The following STK26 variants were observed in gnomAD, a reference collection of about 807,000 sequenced individuals.
STK26 encodes the protein serine/threonine kinase 26, also known as serine/threonine-protein kinase 26.
In STK26, 14 loss-of-function variants were observed where a neutral mutation model predicts 34.7. The observed-to-expected ratio is 0.40, with a 90% CI of 0.27 to 0.63. The LOEUF (loss-of-function observed/expected upper bound fraction) is 0.63. STK26 is among the 30% of genes least tolerant of loss of function. The pLI, the probability that STK26 is intolerant of heterozygous loss-of-function variation, is 0.38. For synonymous variants in STK26, 100 were observed against 109.8 expected (o/e 0.91, Z 0.56); for missense variants, 226 against 309.1 (o/e 0.73, Z 2.02).
chrX:132,046,398 A>G (rs912404877), intron 2 of STK26, among the ~76,000 whole-genome samples: 9 of 112,033 alleles, frequency 8.0e-5, no homozygotes, highest in African/African-American at 2.3e-4. Context: ...TCAAACTGCT[A>G]TGTTATTCAT....
At chrX:132,047,339 T>C (rs746356175) in intron 2 of STK26, among the ~76,000 whole-genome samples, 1 of 112,209 alleles carries the variant, frequency 8.9e-6, no homozygotes, top group Non-Finnish European at 1.9e-5. Context: ...ATTAAAGTAA[T>C]CTGAGCATGC....
chrX:132,072,998 G>A lies in STK26; in HGVS notation c.1131G>A (p.Ala377=), dbSNP rs765167361. 9.1e-6 allele frequency: 11 copies of A among 1,209,264 alleles called. No homozygotes were observed. In the South Asian group the frequency reaches 1.4e-4, roughly 16 times the overall value. Residue 377 remains alanine, a synonymous_variant, in exon 11 of 12, where the codon GCG becomes GCA. Coordinates refer to ENST00000394334, the MANE Select transcript of STK26 (RefSeq NM_016542.4). ...QDENNASRNQ[A]IEELEKSIAV... is the part of the protein sequence containing the mutation. ...AGAATAACGCTAGCAGGAATCAGGC[G>A]ATTGAAGAACTCGAGAAAAGTATTG... is the stretch of plus-strand genomic sequence containing the variant.
chrX:132,034,292 CTTTTTTTTTTTTTTTT>C (rs561602079), intron 2 of STK26, among the ~76,000 whole-genome samples: 21 of 41,377 alleles, frequency 5.1e-4, no homozygotes, highest in Admixed American at 2.1e-3. Flanking sequence ...GACATTTATT[CTTTTTTTTTTTTTTTT>C]TTTTTTTTTT....
chrX:132,037,735 C>G (rs1926104986), intron 2 of STK26, among the ~76,000 whole-genome samples: 1 of 85,615 alleles, frequency 1.2e-5, no homozygotes, highest in Non-Finnish European at 2.2e-5. Flanking sequence ...AATTCTGTTT[C>G]TGTGACAAAC....
chrX:132,044,798 G>GAGAGATCTATATATATATATAT (rs1569330295), intron 2 of STK26, among the ~76,000 whole-genome samples: 1 of 32,506 alleles, frequency 3.1e-5, no homozygotes, highest in Non-Finnish European at 5.6e-5. Flanking sequence ...TATATATATA[G>GAGAGATCTATATATATATATAT]AGAGAGATCT....
chrX:132,047,842 T>C (rs1318202645), intron 2 of STK26, among the ~76,000 whole-genome samples: 1 of 111,731 alleles, frequency 9.0e-6, no homozygotes, highest in Non-Finnish European at 1.9e-5. Context: ...ACCACCACAG[T>C]CTGGTTACCA....
At chrX:132,025,542 A>T (rs1935081019) in intron 2 of STK26, among the ~76,000 whole-genome samples, 1 of 111,135 alleles carries the variant, frequency 9.0e-6, no homozygotes, top group Non-Finnish European at 1.9e-5. Flanking sequence ...TATACTTTAA[A>T]TTACAAATTC....
chrX:132,063,501 A>C lies in STK26; in HGVS notation c.330+12A>C. ...CAGCACTGGATCTTGTAAGTATTTTAAAATAGTTACACACAGATGCAAATG... is the reference window on the plus strand; with the variant it reads ...CAGCACTGGATCTTGTAAGTATTTTCAAATAGTTACACACAGATGCAAATG... On this transcript the variant is annotated intron_variant, in intron 4 of 11. Transcript: ENST00000394334. 8.3e-7 allele frequency: 1 copy of C among 1,198,712 alleles called. No homozygotes were observed. Among genetic ancestry groups the C allele is most frequent in the Non-Finnish European group, 1.1e-6 (1 of 886,025 alleles).
rs187842083 is a variant in STK26 at position 132,027,918 on chromosome X, C to T, written c.42+4259C>T. Reference sequence around the variant, plus strand: ...TCACCCAGACTGTAGTGCAGTGGCGCGATCACAGCTGACTGCAGCCGCCAC... The same window carrying T: ...TCACCCAGACTGTAGTGCAGTGGCGTGATCACAGCTGACTGCAGCCGCCAC... On this transcript the variant is annotated intron_variant, in intron 2 of 11. Coordinates refer to ENST00000394334, the MANE Select transcript of STK26 (RefSeq NM_016542.4). Among the ~76,000 whole-genome samples the T allele has an allele frequency of 4.7e-3, 508 of 108,203 alleles. 12 individuals are homozygous for T. In the East Asian group the frequency reaches 0.086, roughly 18 times the overall value. The allele number at this position is 108,203 out of a possible 115,157, so 94.0% of individuals were successfully genotyped here. A position where few individuals can be genotyped will look rare whatever the true frequency, so the allele number is the denominator to read the frequency against.
At chrX:132,031,730 C>T (rs762739865) in intron 2 of STK26, among the ~76,000 whole-genome samples, 8 of 112,025 alleles carry the variant, frequency 7.1e-5, no homozygotes, top group African/African-American at 9.8e-5. Flanking sequence ...CTTGGTCATT[C>T]GCCATTTCAG....
chrX:132,073,159 A>G (rs1421135623), intron 11 of STK26, 66 bp downstream of exon 11: 10 of 1,060,087 alleles, frequency 9.4e-6, no homozygotes, highest in African/African-American at 7.5e-5. Flanking sequence ...TTATGATGCA[A>G]TGTAATTCCT....
At chrX:132,041,980 C>G (rs1451210061) in intron 2 of STK26, among the ~76,000 whole-genome samples, 1 of 111,809 alleles carries the variant, frequency 8.9e-6, no homozygotes, top group East Asian at 2.8e-4. Context: ...AAAGATTCAA[C>G]TCATTAGTAG....
At chrX:132,032,375 A>G (rs1380486835) in intron 2 of STK26, among the ~76,000 whole-genome samples, 2 of 112,041 alleles carry the variant, frequency 1.8e-5, no homozygotes, top group Non-Finnish European at 3.8e-5. Flanking sequence ...TATCTTTTTT[A>G]TATGTTCACT....
rs148495578 is a variant in STK26 at position 132,037,594 on chromosome X, A to G, written c.42+13935A>G. Among the ~76,000 whole-genome samples the G allele has an allele frequency of 5.2e-3, 578 of 110,710 alleles. 6 individuals carry two copies. The highest frequency in any genetic ancestry group is 0.018 in the African/African-American group (535 of 30,370). On this transcript the variant is annotated intron_variant, in intron 2 of 11. Coordinates refer to ENST00000394334, the MANE Select transcript of STK26 (RefSeq NM_016542.4). The stretch of plus-strand genomic sequence containing the variant: ...TTAGTAAAATCAGAGATATGTGGGC[A>G]GTAAACGAGTGACTTCTACTTCACA...
chrX:132,050,450 T>G (rs6637930), intron 2 of STK26, among the ~76,000 whole-genome samples: 25,612 of 111,288 alleles, frequency 0.23, 2,321 homozygotes, highest in African/African-American at 0.32. Flanking sequence ...CTTCTTCTGC[T>G]GTGTATACCA....
intron 2 of STK26, among the ~76,000 whole-genome samples, chrX:132,024,258 G>A (rs1022192699): frequency 1.8e-5 from 2 of 111,329 alleles, no homozygotes; most frequent in African/African-American, 6.6e-5. Context: ...TGCTGGTTCT[G>A]TTCAGAGTCA....
chrX:132,032,287 C>G (rs1048591729), intron 2 of STK26, among the ~76,000 whole-genome samples: 2 of 112,134 alleles, frequency 1.8e-5, no homozygotes, highest in Admixed American at 9.4e-5. Context: ...TAGAACAAAA[C>G]TGTGGTTCAT....
At chrX:132,036,813 G>T (rs1469612964) in intron 2 of STK26, among the ~76,000 whole-genome samples, 2 of 111,877 alleles carry the variant, frequency 1.8e-5, no homozygotes, top group East Asian at 5.6e-4. Flanking sequence ...TATTGCACAT[G>T]AAGTATATTT....
At chrX:132,048,325 A>G (rs1926569037) in intron 2 of STK26, among the ~76,000 whole-genome samples, 1 of 112,036 alleles carries the variant, frequency 8.9e-6, no homozygotes, top group African/African-American at 3.2e-5. Context: ...TTAAGTTTAC[A>G]TTTTTCAAAT....
Sources: gnomAD v4.1 joint callset for allele counts (sites outside exome capture counted in the v4.1 genomes callset) on GRCh38, gnomAD v4.1.1 for gene constraint, MANE v1.5 for transcripts, NCBI Gene and HGNC (gene_info 2026-07-23, HGNC 2026-07-21) for gene names.